Variants in SUMF1 observed in about 807,000 individuals in gnomAD.
SUMF1 encodes the protein sulfatase modifying factor 1.
A neutral mutation model predicts 47.6 loss-of-function variants in SUMF1; 48 were observed. That is an observed-to-expected ratio of 1.01 (90% CI 0.80 to 1.28). The LOEUF (loss-of-function observed/expected upper bound fraction) is 1.28, where lower values mean the gene tolerates loss of function less well. Among genes scored for constraint, SUMF1 ranks in the 50% most tolerant of loss-of-function variants. The pLI is 0.00. For synonymous variants in SUMF1, 230 were observed against 192.1 expected, an observed-to-expected ratio of 1.20 and a Z score of -1.63; for missense variants, 571 against 485.4, an observed-to-expected ratio of 1.18 and a Z score of -1.66.
intron 8 of SUMF1, among the ~76,000 whole-genome samples, chr3:4,298,286 T>C (rs1406991976): frequency 1.3e-5 from 2 of 152,206 alleles, no homozygotes; most frequent in African/African-American, 4.8e-5. Context: ...TAAGACAGGT[T>C]TCTAGACCCC....
At position 4,111,054 on chromosome 3, in the gene SUMF1, G is replaced by C. The variant is rs548762574; in HGVS notation, c.1015-42309C>G. Among the ~76,000 whole-genome samples, 55 of 150,606 alleles carry C rather than the reference G, an allele frequency of 3.7e-4. 1 individual carries two copies. The highest frequency in any genetic ancestry group is 1.3e-3 in the African/African-American group (54 of 40,850). ...AAAAGGGAGAGATTAAAATATTTCA[G>C]TTGATCAAAGTCAGCATTTTTTTTA... On this transcript the variant is annotated intron_variant and NMD_transcript_variant, in intron 8 of 12. Transcript: ENST00000448413.
chr3:4,256,103 C>G (rs1188638669), intron 8 of SUMF1, among the ~76,000 whole-genome samples: 3 of 145,864 alleles, frequency 2.1e-5, no homozygotes, highest in Non-Finnish European at 4.5e-5. Context: ...ATCTCTGGGA[C>G]GCATTCAAAG....
intron 9 of SUMF1, among the ~76,000 whole-genome samples, chr3:4,053,705 T>C (rs912654958): frequency 6.6e-6 from 1 of 151,946 alleles, no homozygotes; most frequent in Non-Finnish European, 1.5e-5. Context: ...GTTTTTGAAG[T>C]GGAAGGAAAT....
chr3:4,213,609 C>A (rs559858664), intron 8 of SUMF1, among the ~76,000 whole-genome samples: 1 of 152,280 alleles, frequency 6.6e-6, no homozygotes, highest in Admixed American at 6.5e-5. Context: ...TTAAAAGGCA[C>A]AGACTGGCAA....
intron 8 of SUMF1, among the ~76,000 whole-genome samples, chr3:4,116,525 C>T (rs1166025904): frequency 6.6e-6 from 1 of 152,114 alleles, no homozygotes; most frequent in Admixed American, 6.5e-5. Context: ...ATTTTGAACT[C>T]AGCGCCTCTT....
intron 8 of SUMF1, among the ~76,000 whole-genome samples, chr3:4,135,795 A>G (rs1693911779): frequency 6.6e-6 from 1 of 152,208 alleles, no homozygotes; most frequent in East Asian, 1.9e-4. Flanking sequence ...TACAAAATCA[A>G]TGTGCAAAAA....
At chr3:4,268,199 ACACAGGAG>A (rs1559634099) in intron 8 of SUMF1, among the ~76,000 whole-genome samples, 2 of 152,076 alleles carry the variant, frequency 1.3e-5, no homozygotes, top group East Asian at 3.9e-4. Flanking sequence ...GAACACATGG[ACACAGGAG>A]GGGGAACATC....
At chr3:4,070,107 C>G (rs780322658) in intron 8 of SUMF1, among the ~76,000 whole-genome samples, 2 of 152,278 alleles carry the variant, frequency 1.3e-5, no homozygotes, top group South Asian at 2.1e-4. Context: ...ATAAACTCAA[C>G]GAATTATGAC....
intron 8 of SUMF1, among the ~76,000 whole-genome samples, chr3:4,265,363 A>G (rs1165945467): frequency 1.3e-5 from 2 of 152,120 alleles, no homozygotes; most frequent in Non-Finnish European, 2.9e-5. Flanking sequence ...TAAAATTCCT[A>G]TAGTTATTTA....
intron 8 of SUMF1, among the ~76,000 whole-genome samples, chr3:4,271,637 G>T (rs1363141413): frequency 6.6e-6 from 1 of 152,110 alleles, no homozygotes; most frequent in African/African-American, 2.4e-5. Flanking sequence ...AAGTAGCTGG[G>T]ACTCCAGGAG....
chr3:4,313,419 T>C, intron 8 of SUMF1: 1 of 1,614,058 alleles, frequency 6.2e-7, no homozygotes, highest in African/African-American at 1.3e-5. Context: ...ATCATTCTTG[T>C]GAGCCAAACC....
At chr3:4,241,925 T>G (rs1255788843) in intron 8 of SUMF1, among the ~76,000 whole-genome samples, 2 of 152,128 alleles carry the variant, frequency 1.3e-5, no homozygotes, top group African/African-American at 4.8e-5. Context: ...CACAGGGAAG[T>G]TGACTACGTC....
intron 8 of SUMF1, among the ~76,000 whole-genome samples, chr3:4,129,093 A>C (rs1032836095): frequency 6.6e-6 from 1 of 152,274 alleles, no homozygotes; most frequent in East Asian, 1.9e-4. Flanking sequence ...TAAACCCTCG[A>C]CCAATGCCTT....
At chr3:4,167,667 C>A (rs201513659) in intron 8 of SUMF1, among the ~76,000 whole-genome samples, 4 of 152,172 alleles carry the variant, frequency 2.6e-5, no homozygotes, top group East Asian at 3.8e-4. Context: ...CCCAGGAAGT[C>A]CGGCTGGCTC....
intron 8 of SUMF1, among the ~76,000 whole-genome samples, chr3:4,176,638 C>T (rs1394109949): frequency 6.6e-6 from 1 of 152,110 alleles, no homozygotes; most frequent in Admixed American, 6.5e-5. Flanking sequence ...AATTAACAGG[C>T]AAAATAACCA....
At chr3:4,157,942 T>C (rs1694491909) in intron 8 of SUMF1, among the ~76,000 whole-genome samples, 1 of 151,624 alleles carries the variant, frequency 6.6e-6, no homozygotes, top group South Asian at 2.1e-4. Flanking sequence ...AGTCTCTGGG[T>C]CTGGCAGCGC....
Position 4,214,711 on chromosome 3 carries a change from G to A in SUMF1, c.1015-145966C>T, listed in dbSNP as rs1037179407. On this transcript the variant is annotated intron_variant and NMD_transcript_variant, in intron 8 of 12. Transcript: ENST00000448413. ...ATATGCAATAAAAAATCATATAGGG[G>A]ATATTACCACTGATCCCACAGAAAT... Among the ~76,000 whole-genome samples, 3 of 152,050 alleles carry A rather than the reference G, an allele frequency of 2.0e-5. No individual in the cohort carries two copies. In the South Asian group the frequency reaches 6.2e-4, roughly 32 times the overall value.
At chr3:4,102,656 T>C (rs770533416) in intron 8 of SUMF1, among the ~76,000 whole-genome samples, 1 of 152,154 alleles carries the variant, frequency 6.6e-6, no homozygotes, top group Non-Finnish European at 1.5e-5. Context: ...CTTAGTATTA[T>C]ATATGGAATA....
At chr3:4,079,397 A>C (rs904655763) in intron 8 of SUMF1, among the ~76,000 whole-genome samples, 3 of 151,988 alleles carry the variant, frequency 2.0e-5, no homozygotes, top group African/African-American at 7.3e-5. Context: ...AAGGGTTTTG[A>C]TACCATTTGG....
Sources: gnomAD v4.1 joint callset for allele counts (sites outside exome capture counted in the v4.1 genomes callset) on GRCh38, gnomAD v4.1.1 for gene constraint, MANE v1.5 for transcripts, NCBI Gene and HGNC (gene_info 2026-07-23, HGNC 2026-07-21) for gene names.